SIMC1: variants seen among roughly 807,000 people sequenced by gnomAD.
The protein encoded by SIMC1 is SUMO-interacting motif-containing protein 1.
SIMC1 carries 55 observed loss-of-function variants against 82.3 expected under a neutral mutation model. The observed-to-expected ratio is 0.67, with a 90% CI of 0.54 to 0.84. The LOEUF (loss-of-function observed/expected upper bound fraction) is 0.84, where lower values mean the gene tolerates loss of function less well. Ranked by LOEUF, SIMC1 falls within the 40% of genes least tolerant of loss-of-function variation. The pLI is 0.00. For synonymous variants in SIMC1, 353 were observed against 426.3 expected (o/e 0.83, Z 2.12); for missense variants, 915 against 1,107.2 (o/e 0.83, Z 2.46).
At chr5:176,322,784 T>C (rs914313537) in intron 6 of SIMC1, 1 of 173,572 alleles carries the variant, frequency 5.8e-6, no homozygotes, top group Non-Finnish European at 1.2e-5. Flanking sequence ...GAGTGGTGTG[T>C]AGTGTGAGTT....
chr5:176,322,486 A>C (rs560401706), intron 6 of SIMC1, 61 bp downstream of exon 6: 210 of 1,503,856 alleles, frequency 1.4e-4, no homozygotes, highest in Non-Finnish European at 1.7e-4. Context: ...AGAGAGAACA[A>C]CACCAATCCC....
At position 176,286,303 on chromosome 5, in the gene SIMC1, A is replaced by T. The variant is rs147859972; in HGVS notation, c.130-3351A>T. Among the ~76,000 whole-genome samples, 435 of 152,398 alleles carry T rather than the reference A, an allele frequency of 2.9e-3. 1 individual carries two copies. Among genetic ancestry groups the T allele is most frequent in the Middle Eastern group, 0.01 (3 of 294 alleles). On this transcript the variant is annotated intron_variant, in intron 1 of 9. Coordinates refer to ENST00000429602, the MANE Select transcript of SIMC1 (RefSeq NM_001308195.2). ...CCAAAACAGAGATATAGAGCAATGGAACAGAACAGAGCCCTCAGAAATAAT... is the reference window on the plus strand; with the variant it reads ...CCAAAACAGAGATATAGAGCAATGGTACAGAACAGAGCCCTCAGAAATAAT...
chr5:176,269,930 T>A (rs1372951151), intron 1 of SIMC1, among the ~76,000 whole-genome samples: 1 of 151,966 alleles, frequency 6.6e-6, no homozygotes, highest in African/African-American at 2.4e-5. Context: ...TATTTTATTT[T>A]TTTTTTTGTA....
chr5:176,312,536 CAAAAAAAAAA>C (rs10551875), intron 4 of SIMC1, among the ~76,000 whole-genome samples: 6 of 70,036 alleles, frequency 8.6e-5, no homozygotes, highest in African/African-American at 1.2e-4. Flanking sequence ...GACTCCATCT[CAAAAAAAAAA>C]AAAAAAAAAA....
At chr5:176,282,508 C>T (rs1763060826) in intron 1 of SIMC1, among the ~76,000 whole-genome samples, 1 of 152,244 alleles carries the variant, frequency 6.6e-6, no homozygotes, top group Admixed American at 6.5e-5. Flanking sequence ...ATGCAGAAAT[C>T]ACCCGTCTTC....
chr5:176,263,637 C>G (rs1211514286), intron 1 of SIMC1: 1 of 1,140,280 alleles, frequency 8.8e-7, no homozygotes, highest in Non-Finnish European at 1.1e-6. Context: ...CATGATTCCA[C>G]CAGGTCCTAC....
intron 4 of SIMC1, among the ~76,000 whole-genome samples, chr5:176,302,735 A>G (rs1486930241): frequency 6.6e-6 from 1 of 152,248 alleles, no homozygotes; most frequent in Non-Finnish European, 1.5e-5. Flanking sequence ...CCAGCTCACA[A>G]AACTCAGTTG....
intron 7 of SIMC1, among the ~76,000 whole-genome samples, chr5:176,333,617 A>G (rs1412881990): frequency 1.3e-5 from 2 of 151,998 alleles, no homozygotes; most frequent in Non-Finnish European, 2.9e-5. Context: ...TTTAGTAGAG[A>G]CGGGGTTTCA....
chr5:176,272,414 A>C (rs1762484624), intron 1 of SIMC1, among the ~76,000 whole-genome samples: 1 of 152,020 alleles, frequency 6.6e-6, no homozygotes, highest in South Asian at 2.1e-4. Context: ...TTGGAAAGGA[A>C]GTAAGACTTA....
chr5:176,268,235 GAGGGAC>G (rs1762279409), intron 1 of SIMC1, among the ~76,000 whole-genome samples: 1 of 102,816 alleles, frequency 9.7e-6, no homozygotes, highest in Admixed American at 1.2e-4. Context: ...GGTAGGAAAA[GAGGGAC>G]AATGAAACAA....
chr5:176,284,266 T>G (rs1028209202), intron 1 of SIMC1, among the ~76,000 whole-genome samples: 1 of 152,174 alleles, frequency 6.6e-6, no homozygotes, highest in Non-Finnish European at 1.5e-5. Context: ...ACTGACCACA[T>G]AGTTGGAAGT....
chr5:176,260,847 C>T (rs992995736), intron 1 of SIMC1, among the ~76,000 whole-genome samples: 2 of 152,140 alleles, frequency 1.3e-5, no homozygotes, highest in Non-Finnish European at 2.9e-5. Flanking sequence ...GGCAGATGCT[C>T]ACTTTCCCAG....
chr5:176,276,626 C>T (rs1427076150), intron 1 of SIMC1, among the ~76,000 whole-genome samples: 9 of 130,234 alleles, frequency 6.9e-5, no homozygotes, highest in East Asian at 2.3e-4. Flanking sequence ...GTCCCCAGAG[C>T]GTGATATTCC....
chr5:176,345,924 G>GATC lies in SIMC1; in HGVS notation c.*481_*483dup, dbSNP rs1427320996. 9 of 152,142 alleles carry GATC rather than the reference G, an allele frequency of 5.9e-5. No individual in the cohort carries two copies. Among genetic ancestry groups the GATC allele is most frequent in the African/African-American group, 1.9e-4 (8 of 41,420 alleles). 9.4% of individuals were successfully genotyped at this position (152,142 alleles called of 1,614,324 possible). On this transcript the variant is annotated 3_prime_UTR_variant, in exon 10 of 10. Transcript: ENST00000429602. Reference sequence around the variant, plus strand: ...AATGAATAGGGGGTAGAAACAAAAGGATCAAGTGTGTTATAAAACATTTGA... The same window carrying GATC: ...AATGAATAGGGGGTAGAAACAAAAGGATCATCAAGTGTGTTATAAAACATTTGA...
chr5:176,273,335 C>G (rs1363902167), intron 1 of SIMC1, among the ~76,000 whole-genome samples: 2 of 152,122 alleles, frequency 1.3e-5, no homozygotes. Context: ...TGGAATGGAC[C>G]TCCAGCAAAC....
At chr5:176,301,345 G>A (rs1349127581) in intron 4 of SIMC1, among the ~76,000 whole-genome samples, 1 of 152,092 alleles carries the variant, frequency 6.6e-6, no homozygotes, top group African/African-American at 2.4e-5. Flanking sequence ...CTCCTCATTC[G>A]CCTTTTGCCA....
intron 1 of SIMC1, among the ~76,000 whole-genome samples, chr5:176,272,035 G>C (rs1183558177): frequency 6.9e-6 from 1 of 144,940 alleles, no homozygotes; most frequent in African/African-American, 2.5e-5. Context: ...CTACTATGCA[G>C]TTATAAAAAT....
At chr5:176,280,101 G>A (rs1762920285) in intron 1 of SIMC1, among the ~76,000 whole-genome samples, 1 of 152,090 alleles carries the variant, frequency 6.6e-6, no homozygotes, top group Admixed American at 6.5e-5. Flanking sequence ...ATTAATGTGT[G>A]GGAGTCTAAG....
intron 5 of SIMC1, among the ~76,000 whole-genome samples, chr5:176,315,383 C>T (rs565511235): frequency 2.0e-5 from 3 of 152,298 alleles, no homozygotes; most frequent in Non-Finnish European, 4.4e-5. Context: ...AAGGATCTGC[C>T]TCCATGACCC....
Sources: gnomAD v4.1 joint callset for allele counts (sites outside exome capture counted in the v4.1 genomes callset) on GRCh38, gnomAD v4.1.1 for gene constraint, MANE v1.5 for transcripts, NCBI Gene and HGNC (gene_info 2026-07-23, HGNC 2026-07-21) for gene names.